Variants in MTUS2 observed in about 807,000 individuals in gnomAD.
MTUS2 encodes microtubule associated scaffold protein 2.
Under a neutral mutation model 114.1 loss-of-function variants are expected in MTUS2, and 40 were observed. That is an observed-to-expected ratio of 0.35 (90% CI 0.27 to 0.46). The LOEUF (loss-of-function observed/expected upper bound fraction) is 0.46. Ranked by LOEUF, MTUS2 falls within the 20% of genes least tolerant of loss-of-function variation. MTUS2 has a pLI of 1.00. For synonymous variants in MTUS2, 688 were observed against 672.0 expected, an observed-to-expected ratio of 1.02 and a Z score of -0.37; for missense variants, 1,679 against 1,705.4, an observed-to-expected ratio of 0.98 and a Z score of 0.27.
chr13:29,332,660 A>T (rs1198130550), intron 7 of MTUS2, among the ~76,000 whole-genome samples: 1 of 135,280 alleles, frequency 7.4e-6, no homozygotes, highest in Non-Finnish European at 1.5e-5. Flanking sequence ...TCGGACACAG[A>T]GTCTCGCTCA....
intron 5 of MTUS2, among the ~76,000 whole-genome samples, chr13:29,227,253 C>T (rs1387385894): frequency 2.6e-5 from 2 of 76,512 alleles, no homozygotes; most frequent in African/African-American, 5.5e-5. Flanking sequence ...AGCAAGACTC[C>T]GTCTCAAAAA....
intron 8 of MTUS2, chr13:29,428,525 A>C: frequency 2.3e-6 from 1 of 434,280 alleles, no homozygotes; most frequent in Non-Finnish European, 4.0e-6. Flanking sequence ...TTATGCGACT[A>C]TTGATTTGCC....
chr13:29,301,205 C>T (rs1307200617), intron 6 of MTUS2, among the ~76,000 whole-genome samples: 3 of 152,174 alleles, frequency 2.0e-5, no homozygotes, highest in African/African-American at 2.4e-5. Context: ...TTTCAAATGC[C>T]AGCCTGGGCC....
intron 2 of MTUS2, among the ~76,000 whole-genome samples, chr13:28,869,641 C>T (rs985501057): frequency 2.0e-5 from 3 of 151,948 alleles, no homozygotes; most frequent in East Asian, 1.9e-4. Flanking sequence ...CGTGGTGGTG[C>T]GTGCCTGTAG....
At chr13:29,214,564 A>G (rs771463362) in intron 5 of MTUS2, among the ~76,000 whole-genome samples, 3 of 152,164 alleles carry the variant, frequency 2.0e-5, no homozygotes, top group African/African-American at 4.8e-5. Flanking sequence ...TGTGGTGACA[A>G]TATCTCTCAG....
chr13:29,006,315 T>C (rs1885598638), intron 2 of MTUS2, among the ~76,000 whole-genome samples: 1 of 152,206 alleles, frequency 6.6e-6, no homozygotes, highest in Admixed American at 6.5e-5. Context: ...CTCTGGGCAT[T>C]ACTCCTTTCT....
intron 2 of MTUS2, among the ~76,000 whole-genome samples, chr13:28,964,606 G>A (rs1883491490): frequency 6.6e-6 from 1 of 151,636 alleles, no homozygotes; most frequent in Non-Finnish European, 1.5e-5. Flanking sequence ...AGAGTTGCAA[G>A]TGACATTGGG....
intron 5 of MTUS2, among the ~76,000 whole-genome samples, chr13:29,139,345 A>G (rs1892119325): frequency 6.6e-6 from 1 of 152,172 alleles, no homozygotes; most frequent in African/African-American, 2.4e-5. Context: ...GTTTTCCTCT[A>G]GTGCTTCACA....
At chr13:29,160,497 G>A (rs1434226200) in intron 5 of MTUS2, among the ~76,000 whole-genome samples, 6 of 152,182 alleles carry the variant, frequency 3.9e-5, no homozygotes, top group Non-Finnish European at 7.3e-5. Flanking sequence ...GGGGCTGGGC[G>A]CGGTGGCTCA....
In MTUS2 at chr13:29,134,934, A is replaced by G. The variant is rs74380690; in HGVS notation, c.2644+33964A>G. Among the ~76,000 whole-genome samples, 1,053 of 152,336 alleles carry G rather than the reference A, an allele frequency of 6.9e-3. 12 individuals carry two copies. The highest frequency in any genetic ancestry group is 0.023 in the African/African-American group (974 of 41,564). Reference sequence around the variant, plus strand: ...ATAGTCCCCCTTACTTTTCATTAATATAATATATACAGTAGGCCCCTTTAT... The same window carrying G: ...ATAGTCCCCCTTACTTTTCATTAATGTAATATATACAGTAGGCCCCTTTAT... On this transcript the variant is annotated intron_variant, in intron 5 of 15. Transcript: ENST00000612955.
At chr13:29,003,362 C>T (rs1593374072) in intron 2 of MTUS2, among the ~76,000 whole-genome samples, 1 of 152,306 alleles carries the variant, frequency 6.6e-6, no homozygotes, top group Middle Eastern at 3.4e-3. Context: ...GATTCAAGTC[C>T]AGGGAGTCCA....
At chr13:29,349,564 T>TTAGTGTAA (rs1869048204) in intron 7 of MTUS2, among the ~76,000 whole-genome samples, 1 of 152,168 alleles carries the variant, frequency 6.6e-6, no homozygotes, top group African/African-American at 2.4e-5. Context: ...ACATTTATTG[T>TTAGTGTAA]AGTGGAGATT....
In MTUS2 at chr13:28,820,472, C is replaced by T. The variant is rs189244756; in HGVS notation, c.-455C>T. 1 of 152,486 alleles carries T rather than the reference C, an allele frequency of 6.6e-6. No homozygotes were observed. The highest frequency in any genetic ancestry group is 1.9e-4 in the East Asian group (1 of 5,168). 9.4% of individuals were successfully genotyped at this position (152,486 alleles called of 1,614,324 possible). A position where few individuals can be genotyped will look rare whatever the true frequency, so the allele number is the denominator to read the frequency against. On this transcript the variant is annotated 5_prime_UTR_variant, in exon 1 of 16. Coordinates refer to ENST00000612955, the MANE Select transcript of MTUS2 (RefSeq NM_001033602.4). Reference sequence around the variant, plus strand: ...AAACCCTTGACCGCTTAGCGGAGTACAGACCTGTCGGTAAATAGAAAACTC... The same window carrying T: ...AAACCCTTGACCGCTTAGCGGAGTATAGACCTGTCGGTAAATAGAAAACTC...
At chr13:29,324,187 AT>A (rs1900379961) in intron 6 of MTUS2, among the ~76,000 whole-genome samples, 1 of 152,220 alleles carries the variant, frequency 6.6e-6, no homozygotes, top group African/African-American at 2.4e-5. Context: ...GCTCCGGGTA[AT>A]GCCGAAGTCA....
chr13:29,485,181 C>G (rs1311228273), intron 10 of MTUS2: 1 of 152,678 alleles, frequency 6.5e-6, no homozygotes, highest in East Asian at 1.9e-4. Context: ...TGGTGATCTT[C>G]AATGCATAGA....
chr13:28,881,979 A>G (rs1269108979), intron 2 of MTUS2, among the ~76,000 whole-genome samples: 2 of 152,248 alleles, frequency 1.3e-5, no homozygotes, highest in East Asian at 3.8e-4. Context: ...TCTTTTCAAC[A>G]AATGGTGCTA....
In MTUS2 at chr13:29,496,875, C is replaced by G. The variant is rs527366908; in HGVS notation, c.3580-363C>G. Among the ~76,000 whole-genome samples, 1 of 152,120 alleles carries G rather than the reference C, an allele frequency of 6.6e-6. No individual in the cohort carries two copies. The highest frequency in any genetic ancestry group is 1.5e-5 in the Non-Finnish European group (1 of 68,000). On this transcript the variant is annotated intron_variant, in intron 12 of 15. Transcript: ENST00000612955. The surrounding 1 kb of genome is among the most constrained non-coding windows in gnomAD (Gnocchi z 4.3). ...GAATACATCTTTGAAATACATTCAT[C>G]GCGGTCCTTCCCAAAGCCAGGGGCT...
intron 5 of MTUS2, among the ~76,000 whole-genome samples, chr13:29,224,360 T>C (rs1896024556): frequency 6.6e-6 from 1 of 152,216 alleles, no homozygotes. Context: ...CCTTCAAATA[T>C]TTCTCTTACG....
At chr13:28,848,293 A>G (rs1378287840) in intron 2 of MTUS2, among the ~76,000 whole-genome samples, 1 of 152,212 alleles carries the variant, frequency 6.6e-6, no homozygotes, top group East Asian at 1.9e-4. Context: ...TTAATGGGGA[A>G]ACACAGAGGT....
Sources: allele counts gnomAD v4.1 joint callset (sites outside exome capture counted in the v4.1 genomes callset), GRCh38; gene constraint gnomAD v4.1.1; non-coding constraint Gnocchi (gnomAD v3.1); transcripts MANE v1.5; gene names NCBI Gene and HGNC (gene_info 2026-07-23, HGNC 2026-07-21).